Variants in SAMMSON observed in about 807,000 individuals in gnomAD.
The protein encoded by SAMMSON is survival associated mitochondrial melanoma specific oncogenic non-coding RNA, also known as long intergenic non-protein coding RNA 1212.
chr3:70,128,899 A>G (rs765977652), intron 4 of SAMMSON, among the ~76,000 whole-genome samples: 6 of 152,258 alleles, frequency 3.9e-5, no homozygotes, highest in Non-Finnish European at 7.3e-5. Context: ...AGTGAAAAGT[A>G]TGAAAAATTT....
intron 1 of SAMMSON, among the ~76,000 whole-genome samples, chr3:70,003,566 C>T (rs1417639583): frequency 6.6e-6 from 1 of 151,758 alleles, no homozygotes; most frequent in African/African-American, 2.4e-5. Flanking sequence ...TTATTATGAA[C>T]ATTAGTGATA....
At chr3:70,396,697 A>G (rs752380195) in intron 2 of SAMMSON, among the ~76,000 whole-genome samples, 22 of 152,220 alleles carry the variant, frequency 1.4e-4, no homozygotes, top group Admixed American at 3.3e-4. Flanking sequence ...GGGAAATCAG[A>G]GAGTATATGT....
chr3:70,115,676 T>C lies in SAMMSON; in HGVS notation n.507+44111T>C, dbSNP rs575209590. Among the ~76,000 whole-genome samples the C allele has an allele frequency of 4.6e-5, 7 of 152,252 alleles. No individual in the cohort carries two copies. In the East Asian group the frequency reaches 9.6e-4, roughly 21 times the overall value. Reference sequence around the variant, plus strand: ...CAGTAGATGAAGGCATTTGTAAGAATTTTCTTCTCCCCTCTATTCTATGAG... The same window carrying C: ...CAGTAGATGAAGGCATTTGTAAGAACTTTCTTCTCCCCTCTATTCTATGAG... On this transcript the variant is annotated intron_variant and non_coding_transcript_variant, in intron 4 of 9. Coordinates refer to ENST00000642114, the Ensembl canonical transcript of SAMMSON.
At chr3:70,256,481 C>T (rs1327018181) in intron 6 of SAMMSON, among the ~76,000 whole-genome samples, 2 of 152,182 alleles carry the variant, frequency 1.3e-5, no homozygotes, top group African/African-American at 2.4e-5. Context: ...TTGAGGGTCT[C>T]AGGACCTCAT....
chr3:70,411,563 TC>T (rs749089118), intron 2 of SAMMSON, among the ~76,000 whole-genome samples: 90 of 152,288 alleles, frequency 5.9e-4, no homozygotes, highest in Non-Finnish European at 6.8e-4. Context: ...CCCACCCAAA[TC>T]TCATCTTGAA....
chr3:70,176,949 C>T (rs1701014009), intron 4 of SAMMSON, among the ~76,000 whole-genome samples: 1 of 152,134 alleles, frequency 6.6e-6, no homozygotes, highest in African/African-American at 2.4e-5. Context: ...ATCTAGAATT[C>T]TTCACACAGG....
chr3:70,213,898 A>T (rs115266405), intron 4 of SAMMSON, among the ~76,000 whole-genome samples: 3,707 of 152,186 alleles, frequency 0.024, 62 homozygotes, highest in Middle Eastern at 0.061. Flanking sequence ...ATGGCTGAAG[A>T]CAGAACAAAA....
At chr3:70,156,986 T>C (rs968324368) in intron 4 of SAMMSON, among the ~76,000 whole-genome samples, 2 of 152,104 alleles carry the variant, frequency 1.3e-5, no homozygotes, top group African/African-American at 2.4e-5. Context: ...CCTAAACTTA[T>C]TTTCTTGCCT....
At chr3:70,344,826 A>G (rs924536505) in intron 7 of SAMMSON, among the ~76,000 whole-genome samples, 1 of 152,212 alleles carries the variant, frequency 6.6e-6, no homozygotes, top group East Asian at 1.9e-4. Flanking sequence ...CTGCCGTTTC[A>G]TTACAAGATG....
chr3:70,139,108 A>G (rs1299646457), intron 4 of SAMMSON, among the ~76,000 whole-genome samples: 15 of 152,218 alleles, frequency 9.9e-5, no homozygotes. Context: ...CAGATGTGCT[A>G]TAAGTATCAA....
intron 4 of SAMMSON, among the ~76,000 whole-genome samples, chr3:70,222,844 A>T (rs1701473041): frequency 6.6e-6 from 1 of 152,164 alleles, no homozygotes; most frequent in African/African-American, 2.4e-5. Context: ...GATACTGCTG[A>T]TGTTTTAAAG....
chr3:70,216,498 A>G (rs970047320), intron 4 of SAMMSON, among the ~76,000 whole-genome samples: 1 of 152,032 alleles, frequency 6.6e-6, no homozygotes, highest in Admixed American at 6.6e-5. Context: ...ACTTACCCAG[A>G]GTCACATAAC....
At chr3:70,285,758 T>C (rs1311411766) in intron 6 of SAMMSON, among the ~76,000 whole-genome samples, 1 of 151,992 alleles carries the variant, frequency 6.6e-6, no homozygotes, top group Non-Finnish European at 1.5e-5. Context: ...TTCTAACTGG[T>C]GTGAGATGGT....
chr3:70,048,640 TTAC>T (rs931430007), intron 3 of SAMMSON, among the ~76,000 whole-genome samples: 2 of 152,100 alleles, frequency 1.3e-5, no homozygotes, highest in African/African-American at 4.8e-5. Context: ...GAAAATACTA[TTAC>T]TACTACTATT....
intron 3 of SAMMSON, among the ~76,000 whole-genome samples, chr3:70,061,401 C>T (rs182767969): frequency 1.5e-4 from 23 of 152,164 alleles, no homozygotes; most frequent in African/African-American, 4.1e-4. Context: ...GTTTGGCCTG[C>T]GTAATGTTTA....
intron 4 of SAMMSON, among the ~76,000 whole-genome samples, chr3:70,123,359 C>G (rs958341948): frequency 6.6e-6 from 1 of 152,208 alleles, no homozygotes; most frequent in Non-Finnish European, 1.5e-5. Flanking sequence ...CTCTGCCTCC[C>G]GAGCTCAGGC....
intron 3 of SAMMSON, among the ~76,000 whole-genome samples, chr3:70,053,215 C>T (rs143613997): frequency 1.2e-3 from 185 of 152,220 alleles, no homozygotes; most frequent in Middle Eastern, 3.4e-3. Flanking sequence ...AGATCAAAGT[C>T]ATTGTAGTGG....
At chr3:70,193,925 A>C (rs1323188809) in intron 4 of SAMMSON, among the ~76,000 whole-genome samples, 1 of 152,118 alleles carries the variant, frequency 6.6e-6, no homozygotes, top group African/African-American at 2.4e-5. Context: ...CTCTGCCTGG[A>C]TGTTTTCTTG....
chr3:70,391,561 G>T (rs1701048650), downstream of SAMMSON, among the ~76,000 whole-genome samples: 1 of 152,076 alleles, frequency 6.6e-6, no homozygotes, highest in South Asian at 2.1e-4. Flanking sequence ...AATTATATGT[G>T]CATAATTGTT....
Sources: gnomAD v4.1 joint callset for allele counts (sites outside exome capture counted in the v4.1 genomes callset) on GRCh38, gnomAD v4.1.1 for gene constraint, MANE v1.5 for transcripts, NCBI Gene and HGNC (gene_info 2026-07-23, HGNC 2026-07-21) for gene names.